SOX6: variants seen among roughly 807,000 people sequenced by gnomAD.
The protein encoded by SOX6 is SRY-box transcription factor 6.
Under a neutral mutation model 97.8 loss-of-function variants are expected in SOX6, and 11 were observed. The ratio of observed to expected loss-of-function variants is 0.11; its 90% CI spans 0.07 to 0.19. The LOEUF is 0.19. SOX6 is among the 10% of genes least tolerant of loss of function. The pLI is 1.00. For synonymous variants in SOX6, 360 were observed against 371.4 expected (o/e 0.97, Z 0.35); for missense variants, 810 against 1,039.5 (o/e 0.78, Z 3.04).
At chr11:16,493,878 T>C (rs1860551850) in intron 4 of SOX6, among the ~76,000 whole-genome samples, 1 of 152,218 alleles carries the variant, frequency 6.6e-6, no homozygotes, top group Middle Eastern at 3.2e-3. Context: ...TTAAATTGAA[T>C]ATAAGCTTTA....
At chr11:16,427,672 T>A (rs1334848827) in intron 1 of SOX6, among the ~76,000 whole-genome samples, 6 of 152,248 alleles carry the variant, frequency 3.9e-5, no homozygotes, top group African/African-American at 1.4e-4. Context: ...TCATTTTTTA[T>A]GGCTGCATAG....
At chr11:16,594,684 C>CTTTTTTTTTTGTT (rs1848191301) in intron 4 of SOX6, among the ~76,000 whole-genome samples, 1 of 68,266 alleles carries the variant, frequency 1.5e-5, no homozygotes, top group Admixed American at 2.8e-4. Flanking sequence ...TCGGTTTTTG[C>CTTTTTTTTTTGTT]TTTTTTTTTT....
In SOX6 at chr11:16,673,037, A is replaced by G. The variant is rs541912894; in HGVS notation, n.429+41793T>C. Among the ~76,000 whole-genome samples the G allele has an allele frequency of 1.5e-4, 23 of 152,322 alleles. No homozygotes were observed. The South Asian group carries it at 4.6e-3, about 30-fold the overall frequency. ...CAGTTAGCTGAGATCATGCCACTGC[A>G]CTCCAGCTTGAGCGACAGAGCAAGA... On this transcript the variant is annotated intron_variant and non_coding_transcript_variant, in intron 3 of 5. Coordinates refer to the SOX6 transcript ENST00000524520.
intron 2 of SOX6, among the ~76,000 whole-genome samples, chr11:16,724,481 CT>C (rs1214043947): frequency 1.9e-5 from 2 of 103,810 alleles, no homozygotes; most frequent in Non-Finnish European, 4.7e-5. Flanking sequence ...AGGCTGTAGG[CT>C]TTAAAAAAAA....
chr11:16,684,775 G>A (rs1004023195), intron 3 of SOX6, among the ~76,000 whole-genome samples: 10 of 149,760 alleles, frequency 6.7e-5, no homozygotes, highest in Non-Finnish European at 1.0e-4. Flanking sequence ...TTTCTCTTTG[G>A]AAAAAAAAAG....
At chr11:16,093,393 G>C (rs1397250274) in intron 9 of SOX6, among the ~76,000 whole-genome samples, 1 of 151,858 alleles carries the variant, frequency 6.6e-6, no homozygotes, top group African/African-American at 2.4e-5. Context: ...TTTAAAGAAA[G>C]AAAGTAATGG....
chr11:16,494,130 C>A (rs1860555861), intron 4 of SOX6, among the ~76,000 whole-genome samples: 1 of 152,056 alleles, frequency 6.6e-6, no homozygotes, highest in East Asian at 1.9e-4. Flanking sequence ...TATCCCAGCA[C>A]TTTGGGAGGC....
At position 16,117,076 on chromosome 11, in the gene SOX6, G is replaced by A. The variant is rs552656770; in HGVS notation, c.778-5153C>T. On this transcript the variant is annotated intron_variant, in intron 6 of 15. Transcript: ENST00000683767. Reference sequence around the variant, plus strand: ...TTAAAACAAGCAAAGGCAGCTGGGCGTGGTGGCTCATGCCTATAATCCCAG... The same window carrying A: ...TTAAAACAAGCAAAGGCAGCTGGGCATGGTGGCTCATGCCTATAATCCCAG... Among the ~76,000 whole-genome samples, 14 of 152,160 alleles carry A rather than the reference G, an allele frequency of 9.2e-5. No individual in the cohort carries two copies. In the South Asian group the frequency reaches 1.9e-3, roughly 20 times the overall value.
chr11:16,195,884 T>C lies in SOX6; in HGVS notation c.536-8929A>G, dbSNP rs572777799. Among the ~76,000 whole-genome samples, 63 of 152,300 alleles carry C rather than the reference T, an allele frequency of 4.1e-4. 1 individual carries two copies. Among genetic ancestry groups the C allele is most frequent in the South Asian group, 2.1e-3 (10 of 4,820 alleles). On this transcript the variant is annotated intron_variant, in intron 4 of 15. Coordinates refer to ENST00000683767, the MANE Select transcript of SOX6 (RefSeq NM_001367873.1). ...TGCTGCCCCGGGTGCAGTGTATATG[T>C]AGGCTGAGGCTGTCAGGTTCTAGCC...
Position 16,234,681 on chromosome 11 carries a change from T to C in SOX6, c.446-10A>G. ...TCCATGCAGGAGGAATCTATTAAAATACAAAAGTAAGTATTAAAAATATAT... is the reference window on the plus strand; with the variant it reads ...TCCATGCAGGAGGAATCTATTAAAACACAAAAGTAAGTATTAAAAATATAT... On this transcript the variant is annotated splice_polypyrimidine_tract_variant and intron_variant, in intron 3 of 15. Coordinates refer to ENST00000683767, the MANE Select transcript of SOX6 (RefSeq NM_001367873.1). The C allele has an allele frequency of 7.0e-7, 1 of 1,437,442 alleles. No individual in the cohort carries two copies. The highest frequency in any genetic ancestry group is 9.6e-7 in the Non-Finnish European group (1 of 1,038,214). 89.0% of individuals were successfully genotyped at this position (1,437,442 alleles called of 1,614,324 possible).
intron 4 of SOX6, among the ~76,000 whole-genome samples, chr11:16,523,897 T>C (rs1289053911): frequency 6.6e-6 from 1 of 152,132 alleles, no homozygotes; most frequent in Non-Finnish European, 1.5e-5. Context: ...AATGGATAAA[T>C]TCCTCAACAC....
At chr11:16,494,515 G>T (rs915105636) in intron 4 of SOX6, among the ~76,000 whole-genome samples, 1 of 152,146 alleles carries the variant, frequency 6.6e-6, no homozygotes, top group Non-Finnish European at 1.5e-5. Context: ...TACCATTTGT[G>T]TTAAGGAAAA....
chr11:16,303,983 C>A (rs1395814728), intron 3 of SOX6, among the ~76,000 whole-genome samples: 1 of 152,060 alleles, frequency 6.6e-6, no homozygotes, highest in African/African-American at 2.4e-5. Context: ...GTGGTGCGAT[C>A]TCGGCTCACT....
At chr11:16,136,165 C>T (rs1417119743) in intron 6 of SOX6, among the ~76,000 whole-genome samples, 2 of 151,830 alleles carry the variant, frequency 1.3e-5, no homozygotes, top group East Asian at 1.9e-4. Flanking sequence ...ACTACAGTTG[C>T]GCACCAACAC....
chr11:16,680,128 T>C (rs569240322), intron 3 of SOX6, among the ~76,000 whole-genome samples: 24 of 152,102 alleles, frequency 1.6e-4, no homozygotes, highest in Middle Eastern at 3.4e-3. Flanking sequence ...AGATACTCCG[T>C]GAGAAGAGCA....
At chr11:16,509,157 G>A (rs978362275) in intron 4 of SOX6, among the ~76,000 whole-genome samples, 3 of 151,530 alleles carry the variant, frequency 2.0e-5, no homozygotes, top group African/African-American at 7.3e-5. Context: ...TACCATATAT[G>A]TGTATTTATT....
intron 4 of SOX6, among the ~76,000 whole-genome samples, chr11:16,594,391 C>A (rs903047745): frequency 1.2e-4 from 19 of 152,114 alleles, no homozygotes; most frequent in African/African-American, 4.6e-4. Flanking sequence ...TTTAAAGAAT[C>A]TGATATCAAA....
chr11:16,512,481 T>C (rs773494031), intron 4 of SOX6, among the ~76,000 whole-genome samples: 1 of 152,202 alleles, frequency 6.6e-6, no homozygotes, highest in Non-Finnish European at 1.5e-5. Context: ...GTTTGCAGTG[T>C]CTGAAAAGTG....
At chr11:16,718,221 C>T (rs1252467036) in intron 2 of SOX6, among the ~76,000 whole-genome samples, 1 of 151,156 alleles carries the variant, frequency 6.6e-6, no homozygotes, top group Non-Finnish European at 1.5e-5. Flanking sequence ...TCCATGCAGG[C>T]TTCTTTTTCA....
Sources: allele counts gnomAD v4.1 joint callset (sites outside exome capture counted in the v4.1 genomes callset), GRCh38; gene constraint gnomAD v4.1.1; transcripts MANE v1.5; gene names NCBI Gene and HGNC (gene_info 2026-07-23, HGNC 2026-07-21).